The following NTMT1 variants were observed in gnomAD, a reference collection of about 807,000 sequenced individuals.
The protein encoded by NTMT1 is N-terminal RCC1 methyltransferase.
A neutral mutation model predicts 17.5 loss-of-function variants in NTMT1; 8 were observed. That is an observed-to-expected ratio of 0.46 (90% CI 0.27 to 0.82). NTMT1 has a LOEUF of 0.82. NTMT1 is among the 40% of genes least tolerant of loss of function. The probability of loss-of-function intolerance (pLI) is 0.15; values close to 1 mark genes in which losing one functional copy is unlikely to be tolerated. For synonymous variants in NTMT1, 128 were observed against 126.8 expected (o/e 1.01, Z -0.06); for missense variants, 221 against 303.5 (o/e 0.73, Z 2.02).
Position 129,613,902 on chromosome 9 carries a change from C to T in NTMT1, c.-55+4724C>T, listed in dbSNP as rs1193515188. Among the ~76,000 whole-genome samples the T allele has an allele frequency of 1.3e-5, 2 of 152,188 alleles. No individual in the cohort carries two copies. The highest frequency in any genetic ancestry group is 2.9e-5 in the Non-Finnish European group (2 of 68,034). On this transcript the variant is annotated intron_variant, in intron 1 of 3. Transcript: ENST00000372486. This position sits in a 1 kb window ranked among gnomAD's most constrained non-coding sequence, Gnocchi z 6.2. Reference sequence around the variant, plus strand: ...CATCATAGAAATCCCAGAAACCATGCTGAGAGCGTTGAGGGCTTCAGGGAG... The same window carrying T: ...CATCATAGAAATCCCAGAAACCATGTTGAGAGCGTTGAGGGCTTCAGGGAG...
rs1274482730 is a variant in NTMT1, at chr9:129,614,917, AAAAG to A, written c.-55+5743_-55+5746del. 1.3e-5 allele frequency among the ~76,000 whole-genome samples: 2 copies of A among 151,630 alleles called. No homozygotes were observed. Among genetic ancestry groups the A allele is most frequent in the African/African-American group, 2.4e-5 (1 of 41,092 alleles). On this transcript the variant is annotated intron_variant, in intron 1 of 3. Coordinates refer to the NTMT1 transcript ENST00000372486. This position sits in a 1 kb window ranked among gnomAD's most constrained non-coding sequence, Gnocchi z 4.4. ...ACTCCGTATCAGAAAAAAAAAAAGA[AAAAG>A]AAAACTCACTGGGAACTGCAAAACA...
At chr9:129,623,952 C>T (rs1255059022), upstream of NTMT1, among the ~76,000 whole-genome samples, 1 of 151,658 alleles carries the variant, frequency 6.6e-6, no homozygotes, top group Admixed American at 6.6e-5. Context: ...CACCACCACG[C>T]CCGGCTAATT....
chr9:129,626,624 T>C (rs1830911328), intron 1 of NTMT1: 1 of 152,302 alleles, frequency 6.6e-6, no homozygotes, highest in South Asian at 2.1e-4. Flanking sequence ...AACAGGGATA[T>C]GGAGAGCGCC....
chr9:129,626,055 T>C (rs6478911), upstream of NTMT1: 148,318 of 151,786 alleles, frequency 0.98, 72,477 homozygotes, highest in Middle Eastern at 0.99. Flanking sequence ...CAAAAGAAGT[T>C]AAGTTAAATC....
chr9:129,634,319 C>A lies in NTMT1; in HGVS notation c.415+13C>A. ...CAGTGGGTGATAGGTGAGGGTTCCA[C>A]CGCCCTTCCCTGCTCACCTGTATGT... On this transcript the variant is annotated intron_variant, in intron 3 of 3. Coordinates refer to ENST00000372483, the MANE Select transcript of NTMT1 (RefSeq NM_014064.4). 1.9e-6 allele frequency: 3 copies of A among 1,580,900 alleles called. No homozygotes were observed. The highest frequency in any genetic ancestry group is 2.6e-6 in the Non-Finnish European group (3 of 1,160,760).
intron 1 of NTMT1, chr9:129,619,503 T>C (rs776257009): frequency 1.3e-6 from 2 of 1,581,320 alleles, no homozygotes; most frequent in Non-Finnish European, 1.7e-6. Context: ...CCTACCCTTA[T>C]CCCGCCCATC....
Position 129,620,666 on chromosome 9 carries a change from A to C in NTMT1, c.-55+11488A>C, listed in dbSNP as rs1333296128. On this transcript the variant is annotated intron_variant, in intron 1 of 3. Transcript: ENST00000372486. The surrounding 1 kb of genome is among the most constrained non-coding windows in gnomAD (Gnocchi z 5.8). ...GGAGGGCATAGTCCAGCCCCAGGCC[A>C]TAGTGCCCCGGGCGGGGCAGCGCGG... 9 of 1,171,060 alleles carry C rather than the reference A, an allele frequency of 7.7e-6. No homozygotes were observed. Among genetic ancestry groups the C allele is most frequent in the Non-Finnish European group, 9.7e-6 (9 of 930,148 alleles). The allele number at this position is 1,171,060 out of a possible 1,614,324, so 72.5% of individuals were successfully genotyped here.
Position 129,613,736 on chromosome 9 carries a change from G to A in NTMT1, c.-55+4558G>A. 1 of 1,064,976 alleles carries A rather than the reference G, an allele frequency of 9.4e-7. No individual in the cohort carries two copies. Among genetic ancestry groups the A allele is most frequent in the Non-Finnish European group, 1.3e-6 (1 of 743,790 alleles). 66.0% of individuals were successfully genotyped at this position (1,064,976 alleles called of 1,614,324 possible). A position where few individuals can be genotyped will look rare whatever the true frequency, so the allele number is the denominator to read the frequency against. ...ACCCCAGGCTCCCCAGCGCCTTCTG[G>A]CTGCCTCCAGAGAAGCCTTGGGTTT... On this transcript the variant is annotated intron_variant, in intron 1 of 3. Coordinates refer to the NTMT1 transcript ENST00000372486. This position sits in a 1 kb window ranked among gnomAD's most constrained non-coding sequence, Gnocchi z 6.2.
In NTMT1 at chr9:129,635,812, C is replaced by G. The variant is rs1467855722; in HGVS notation, c.*348C>G. The stretch of plus-strand genomic sequence containing the variant: ...CCAGCCCGGCCTTCCAGCCATGGGC[C>G]TGGCTGCCTGAAGAGGAAGGAAACC... On this transcript the variant is annotated 3_prime_UTR_variant, in exon 4 of 4. Coordinates refer to ENST00000372483, the MANE Select transcript of NTMT1 (RefSeq NM_014064.4). 1 of 247,698 alleles carries G rather than the reference C, an allele frequency of 4.0e-6. No homozygotes were observed. The highest frequency in any genetic ancestry group is 7.9e-6 in the Non-Finnish European group (1 of 127,104). The allele number at this position is 247,698 out of a possible 1,614,324, so 15.3% of individuals were successfully genotyped here.
At chr9:129,618,582 A>G (rs577610984) in intron 1 of NTMT1, among the ~76,000 whole-genome samples, 30 of 152,360 alleles carry the variant, frequency 2.0e-4, no homozygotes, top group Non-Finnish European at 3.7e-4. Flanking sequence ...AGCGATGGAC[A>G]GTGTCCTGGG....
chr9:129,618,292 C>G (rs1830490162), intron 1 of NTMT1, among the ~76,000 whole-genome samples: 1 of 152,178 alleles, frequency 6.6e-6, no homozygotes, highest in African/African-American at 2.4e-5. Context: ...GTTCCAATTC[C>G]TAGGCTCTTC....
chr9:129,613,474 T>C lies in NTMT1; in HGVS notation c.-55+4296T>C. Reference sequence around the variant, plus strand: ...CCAACACGAGGAGCTGGCCAGGGTCTCCTCCTTGGCCCCAGGGTACAGGGC... The same window carrying C: ...CCAACACGAGGAGCTGGCCAGGGTCCCCTCCTTGGCCCCAGGGTACAGGGC... On this transcript the variant is annotated intron_variant, in intron 1 of 3. Transcript: ENST00000372486. This position sits in a 1 kb window ranked among gnomAD's most constrained non-coding sequence, Gnocchi z 6.2. The C allele has an allele frequency of 6.2e-7, 1 of 1,613,968 alleles. No individual in the cohort carries two copies.
At position 129,620,409 on chromosome 9, in the gene NTMT1, C is replaced by A; in HGVS notation, c.-55+11231C>A. 1 of 1,240,302 alleles carries A rather than the reference C, an allele frequency of 8.1e-7. No homozygotes were observed. The highest frequency in any genetic ancestry group is 1.0e-6 in the Non-Finnish European group (1 of 992,512). The allele number at this position is 1,240,302 out of a possible 1,614,324, so 76.8% of individuals were successfully genotyped here. ...TCCGGCCACCACGCGGCGCCGCCCC[C>A]CGGGATCCTCCAGTCCCCGGAGCCC... On this transcript the variant is annotated intron_variant, in intron 1 of 3. Coordinates refer to the NTMT1 transcript ENST00000372486. The surrounding 1 kb of genome is among the most constrained non-coding windows in gnomAD (Gnocchi z 5.8).
upstream of NTMT1, among the ~76,000 whole-genome samples, chr9:129,622,221 G>A (rs117190414): frequency 3.6e-3 from 553 of 152,312 alleles, 16 homozygotes; most frequent in East Asian, 0.065. Context: ...TGCGGGGCAC[G>A]GTGTCTCACG....
chr9:129,612,029 C>T (rs957412796), intron 1 of NTMT1, among the ~76,000 whole-genome samples: 2 of 152,072 alleles, frequency 1.3e-5, no homozygotes, highest in Non-Finnish European at 2.9e-5. Flanking sequence ...GGATTACAGG[C>T]ATGGACCATT....
chr9:129,615,625 G>A, intron 1 of NTMT1: 1 of 1,586,200 alleles, frequency 6.3e-7, no homozygotes, highest in Non-Finnish European at 8.5e-7. Flanking sequence ...TTGAGCCTGG[G>A]GACCTGTGCA....
rs1229495848 is a variant in NTMT1, at chr9:129,620,092, C to T, written c.-55+10914C>T. On this transcript the variant is annotated intron_variant, in intron 1 of 3. Coordinates refer to the NTMT1 transcript ENST00000372486. The surrounding 1 kb of genome is among the most constrained non-coding windows in gnomAD (Gnocchi z 5.8). ...TCAGTGGCTCCGGCTCCTCGGCGCA[C>T]TTCTCCTGGAGCTGGTGCAGGAACT... 6.9e-7 allele frequency: 1 copy of T among 1,451,508 alleles called. No individual in the cohort carries two copies. Among genetic ancestry groups the T allele is most frequent in the African/African-American group, 1.4e-5 (1 of 69,530 alleles). 89.9% of individuals were successfully genotyped at this position (1,451,508 alleles called of 1,614,324 possible).
intron 1 of NTMT1, among the ~76,000 whole-genome samples, chr9:129,610,235 AGAGGGGAAAGGGGGGAAGGG>A (rs1426990576): frequency 6.9e-5 from 1 of 14,484 alleles, no homozygotes; most frequent in Non-Finnish European, 1.1e-4. Context: ...AGGGGGAGGG[AGAGGGGAAAGGGGGGAAGGG>A]GAGGGGTAAG....
intron 3 of NTMT1, chr9:129,634,702 G>A: frequency 4.4e-6 from 1 of 229,516 alleles, no homozygotes; most frequent in Non-Finnish European, 8.6e-6. Flanking sequence ...CGAGCGCTGT[G>A]CCCTGGGCTG....
Sources: gnomAD v4.1 joint callset for allele counts (sites outside exome capture counted in the v4.1 genomes callset) on GRCh38, gnomAD v4.1.1 for gene constraint, Gnocchi (gnomAD v3.1) non-coding constraint, MANE v1.5 for transcripts, NCBI Gene and HGNC (gene_info 2026-07-23, HGNC 2026-07-21) for gene names.